SPRED1: variants seen among roughly 807,000 people sequenced by gnomAD.
SPRED1 encodes the protein sprouty related EVH1 domain containing 1.
SPRED1 carries 18 observed loss-of-function variants against 52.3 expected under a neutral mutation model. The ratio of observed to expected loss-of-function variants is 0.34; its 90% CI spans 0.24 to 0.51. SPRED1 has a LOEUF of 0.51. Among genes scored for constraint, SPRED1 ranks in the 20% least tolerant of loss-of-function variants. The pLI is 0.97. For synonymous variants in SPRED1, 155 were observed against 179.7 expected, an observed-to-expected ratio of 0.86 and a Z score of 1.10; for missense variants, 485 against 551.0, an observed-to-expected ratio of 0.88 and a Z score of 1.20.
intron 1 of SPRED1, 146 bp from the exon 2 acceptor site, chr15:38,299,224 GCTA>G (rs1895101612): frequency 2.2e-6 from 2 of 900,846 alleles, no homozygotes; most frequent in Non-Finnish European, 3.7e-6. Flanking sequence ...TTTCAAGTAG[GCTA>G]CTTTCTGTAG....
chr15:38,349,362 TA>T, intron 5 of SPRED1, 59 bp from the exon 6 acceptor site: 1 of 1,280,612 alleles, frequency 7.8e-7, no homozygotes, highest in Admixed American at 1.7e-5. Context: ...ACATACACTG[TA>T]CAGTTTCATT....
At chr15:38,306,100 T>G (rs909226827) in intron 2 of SPRED1, among the ~76,000 whole-genome samples, 1 of 152,186 alleles carries the variant, frequency 6.6e-6, no homozygotes, top group South Asian at 2.1e-4. Flanking sequence ...CCCCACTGAT[T>G]TCCTAGAGAC....
intron 4 of SPRED1, among the ~76,000 whole-genome samples, chr15:38,327,335 A>G (rs965340146): frequency 2.0e-5 from 3 of 152,194 alleles, no homozygotes; most frequent in Non-Finnish European, 4.4e-5. Flanking sequence ...CGGAAACATT[A>G]TTTTATACTT....
chr15:38,342,194 C>G (rs1378996047), intron 5 of SPRED1, among the ~76,000 whole-genome samples: 1 of 151,580 alleles, frequency 6.6e-6, no homozygotes. Flanking sequence ...ATATATTTAA[C>G]TACTTGATTC....
At chr15:38,276,210 GT>G (rs536478144) in intron 1 of SPRED1, among the ~76,000 whole-genome samples, 391 of 121,180 alleles carry the variant, frequency 3.2e-3, no homozygotes, top group Middle Eastern at 4.7e-3. Flanking sequence ...TGCTGTGAAT[GT>G]TTTTTTTTTT....
chr15:38,337,403 C>G (rs1344371615), intron 4 of SPRED1, among the ~76,000 whole-genome samples: 1 of 152,112 alleles, frequency 6.6e-6, no homozygotes, highest in Non-Finnish European at 1.5e-5. Context: ...TTTGCCATAT[C>G]AGACACTTGA....
chr15:38,344,953 C>G (rs888857047), intron 5 of SPRED1, among the ~76,000 whole-genome samples: 2 of 152,138 alleles, frequency 1.3e-5, no homozygotes, highest in African/African-American at 2.4e-5. Flanking sequence ...ATGGTTTACT[C>G]TTTTAAAGCT....
intron 4 of SPRED1, among the ~76,000 whole-genome samples, chr15:38,330,883 G>C (rs1895793946): frequency 6.6e-6 from 1 of 151,980 alleles, no homozygotes; most frequent in Non-Finnish European, 1.5e-5. Context: ...CATTAACAAG[G>C]GTTTGCAAAA....
chr15:38,306,399 G>A (rs1199953756), intron 2 of SPRED1, among the ~76,000 whole-genome samples: 1 of 152,084 alleles, frequency 6.6e-6, no homozygotes, highest in Non-Finnish European at 1.5e-5. Context: ...CCTTTTTACT[G>A]TCATAGATGG....
At chr15:38,321,641 T>A (rs1296294222) in intron 2 of SPRED1, among the ~76,000 whole-genome samples, 1 of 152,218 alleles carries the variant, frequency 6.6e-6, no homozygotes, top group East Asian at 1.9e-4. Context: ...TTGCCCAGGT[T>A]GGAGTGCAGT....
chr15:38,307,478 C>T (rs1895273109), intron 2 of SPRED1, among the ~76,000 whole-genome samples: 3 of 152,148 alleles, frequency 2.0e-5, no homozygotes, highest in Admixed American at 2.0e-4. Context: ...GGTGTTTCTT[C>T]CTCTTATAAA....
Position 38,351,306 on chromosome 15 carries a change from GAA to G in SPRED1, c.980_981del (p.Lys327ArgfsTer4). The G allele has an allele frequency of 6.2e-7, 1 of 1,614,112 alleles. No homozygotes were observed. Among genetic ancestry groups the G allele is most frequent in the Non-Finnish European group, 8.5e-7 (1 of 1,180,014 alleles). ...TTAAAAATTAAGAAGTCAAAACGAA[GAA>G]AAGAGGATGGTGAACGTTCTCGCTG... is the stretch of plus-strand genomic sequence containing the variant. On this transcript the variant is annotated frameshift_variant, in exon 7 of 7. Transcript: ENST00000299084. LOFTEE classifies it high-confidence loss of function.
Position 38,297,770 on chromosome 15 carries a change from C to G in SPRED1, c.33-1603C>G, listed in dbSNP as rs1895069090. Among the ~76,000 whole-genome samples the G allele has an allele frequency of 2.6e-5, 4 of 152,230 alleles. No homozygotes were observed. The South Asian group carries it at 8.3e-4, about 32-fold the overall frequency. On this transcript the variant is annotated intron_variant, in intron 1 of 6. Coordinates refer to ENST00000299084, the MANE Select transcript of SPRED1 (RefSeq NM_152594.3). ...CATAATGATAATAAAAAGTAATACT[C>G]ATATAGTGCTTGTTATGTGTCAGGC... is the stretch of plus-strand genomic sequence containing the variant.
intron 2 of SPRED1, among the ~76,000 whole-genome samples, chr15:38,305,664 A>G (rs1895239007): frequency 1.3e-5 from 2 of 152,168 alleles, no homozygotes; most frequent in South Asian, 4.1e-4. Context: ...AGGCCTTACC[A>G]AGAATGTAGG....
At chr15:38,292,607 C>G (rs893105289) in intron 1 of SPRED1, among the ~76,000 whole-genome samples, 21 of 152,072 alleles carry the variant, frequency 1.4e-4, no homozygotes, top group African/African-American at 4.8e-4. Flanking sequence ...CCTGATAAAC[C>G]CATCAGATCT....
At chr15:38,293,886 A>G (rs534745891) in intron 1 of SPRED1, among the ~76,000 whole-genome samples, 1 of 152,294 alleles carries the variant, frequency 6.6e-6, no homozygotes, top group African/African-American at 2.4e-5. Flanking sequence ...ATATACTGCT[A>G]TTAAAAACCT....
Position 38,252,971 on chromosome 15 carries a change from C to A in SPRED1, c.-215C>A. 1.7e-6 allele frequency: 1 copy of A among 600,778 alleles called. No individual in the cohort carries two copies. The highest frequency in any genetic ancestry group is 2.0e-5 in the South Asian group (1 of 51,010). 37.2% of individuals were successfully genotyped at this position (600,778 alleles called of 1,614,324 possible). A position where few individuals can be genotyped will look rare whatever the true frequency, so the allele number is the denominator to read the frequency against. ...GCGGGGGAAGAGGCTGGGGTCGCCA[C>A]GGCGGAGGTTGCTGCCGCCACCCCC... On this transcript the variant is annotated 5_prime_UTR_variant, in exon 1 of 7. Transcript: ENST00000299084.
chr15:38,262,221 C>G (rs1434217816), intron 1 of SPRED1, among the ~76,000 whole-genome samples: 1 of 152,178 alleles, frequency 6.6e-6, no homozygotes, highest in Non-Finnish European at 1.5e-5. Flanking sequence ...TGAATGAGTG[C>G]TTACTAGGCA....
chr15:38,269,010 G>A lies in SPRED1; in HGVS notation c.32+15793G>A, dbSNP rs976546487. On this transcript the variant is annotated intron_variant, in intron 1 of 6. Transcript: ENST00000299084. ...GGCTGGAGTGCAGTGGCGCGATCTC[G>A]GCTACTGCAAGCCCCGCTTCCCGGG... 4.8e-5 allele frequency among the ~76,000 whole-genome samples: 7 copies of A among 145,370 alleles called. No individual in the cohort carries two copies. The East Asian group carries it at 8.2e-4, about 17-fold the overall frequency.
Sources: allele counts gnomAD v4.1 joint callset (sites outside exome capture counted in the v4.1 genomes callset), GRCh38; gene constraint gnomAD v4.1.1; transcripts MANE v1.5; gene names NCBI Gene and HGNC (gene_info 2026-07-23, HGNC 2026-07-21).